Variants in SLC38A10 observed in about 807,000 individuals in gnomAD.
SLC38A10 encodes Sodium-coupled neutral amino acid transporter 10.
A neutral mutation model predicts 81.0 loss-of-function variants in SLC38A10; 53 were observed. The observed-to-expected ratio is 0.65, with a 90% CI of 0.53 to 0.82. SLC38A10 has a LOEUF of 0.82. Among genes scored for constraint, SLC38A10 ranks in the 40% least tolerant of loss-of-function variants. The pLI, the probability that SLC38A10 is intolerant of heterozygous loss-of-function variation, is 0.00. For missense variants in SLC38A10, 1,471 were observed against 1,545.0 expected (o/e 0.95, Z 0.80); for synonymous variants, 665 against 655.3 (o/e 1.01, Z -0.23).
Position 81,281,617 on chromosome 17 carries a change from A to C in SLC38A10, c.501+572T>G, listed in dbSNP as rs2063212829. Among the ~76,000 whole-genome samples the C allele has an allele frequency of 6.6e-6, 1 of 152,100 alleles. No individual in the cohort carries two copies. Among genetic ancestry groups the C allele is most frequent in the Non-Finnish European group, 1.5e-5 (1 of 68,016 alleles). ...TGGTGAAACCCCTTCTCTACTAAAA[A>C]TAAAAAAAATTAGCCAGGTGTGGTG... On this transcript the variant is annotated intron_variant, in intron 5 of 15. Coordinates refer to ENST00000374759, the MANE Select transcript of SLC38A10 (RefSeq NM_001037984.3). The surrounding 1 kb of genome is among the most constrained non-coding windows in gnomAD (Gnocchi z 5.3).
Position 81,276,967 on chromosome 17 carries a change from G to T in SLC38A10, c.729+64C>A. 2 of 1,509,556 alleles carry T rather than the reference G, an allele frequency of 1.3e-6. No individual in the cohort carries two copies. The highest frequency in any genetic ancestry group is 1.7e-5 in the Admixed American group (1 of 59,592). 93.5% of individuals were successfully genotyped at this position (1,509,556 alleles called of 1,614,324 possible). On this transcript the variant is annotated intron_variant, in intron 7 of 15. Transcript: ENST00000374759. The surrounding 1 kb of genome is among the most constrained non-coding windows in gnomAD (Gnocchi z 4.7). ...AGGGCCATGCCTGTGGCAGTCCCAC[G>T]GGGCACCACGGCACATCATGCTGGC...
In SLC38A10 at chr17:81,246,184, T is replaced by G; in HGVS notation, c.2732A>C (p.Asn911Thr). The G allele has an allele frequency of 2.5e-6, 4 of 1,612,558 alleles. No individual in the cohort carries two copies. The highest frequency in any genetic ancestry group is 2.2e-5 in the East Asian group (1 of 44,870). ...ATGTSILKEA[N>T]WLVAGPGAET... ...TGCTCCTGGCCCTGCCACGAGCCAGTTGGCTTCCTTCAGAATGCTGGTGCC... is the reference window on the plus strand; with the variant it reads ...TGCTCCTGGCCCTGCCACGAGCCAGGTGGCTTCCTTCAGAATGCTGGTGCC... The change falls in exon 16 of 16, where the codon AAC (asparagine) becomes ACC (threonine). Residue 911 changes from asparagine (N) to threonine (T), a missense_variant. Physicochemically the swap from Asn to Thr is moderately conservative, Grantham distance 65. Coordinates refer to ENST00000374759, the MANE Select transcript of SLC38A10 (RefSeq NM_001037984.3).
At chr17:81,279,060 CGCCCACCTTGCAAGGCA>C (rs1482936118) in intron 6 of SLC38A10, among the ~76,000 whole-genome samples, 3 of 152,242 alleles carry the variant, frequency 2.0e-5, no homozygotes, top group Non-Finnish European at 2.9e-5. Flanking sequence ...ATCCCTGGCC[CGCCCACCTTGCAAGGCA>C]GCCTCTGAGC....
intron 5 of SLC38A10, 117 bp from the exon 6 acceptor site, chr17:81,280,850 A>G: frequency 1.0e-5 from 14 of 1,380,590 alleles, no homozygotes; most frequent in Non-Finnish European, 1.1e-5. Flanking sequence ...TCCCACCCAC[A>G]TCCCAGCCCC....
Position 81,245,666 on chromosome 17 carries a change from C to T in SLC38A10, c.3250G>A (p.Asp1084Asn), listed in dbSNP as rs757822331. The change falls in exon 16 of 16, where the codon GAC becomes AAC. Residue 1084 changes from aspartate (D) to asparagine (N), a missense_variant. Coordinates refer to ENST00000374759, the MANE Select transcript of SLC38A10 (RefSeq NM_001037984.3). ...TGGGCATCCAGGGCGCCACGGAGGT[C>T]GTTCACCTGGACATCAGGCAGGGGG... ...LNPLPDVQVNDLRGALDAQLR... is the reference protein window; with the variant it reads ...LNPLPDVQVNNLRGALDAQLR... 85 of 1,610,784 alleles carry T rather than the reference C, an allele frequency of 5.3e-5. No individual in the cohort carries two copies. The highest frequency in any genetic ancestry group is 1.5e-4 in the Admixed American group (9 of 59,852).
chr17:81,289,258 T>C lies in SLC38A10; in HGVS notation c.217+433A>G, dbSNP rs1377355541. On this transcript the variant is annotated intron_variant, in intron 2 of 15. Coordinates refer to ENST00000374759, the MANE Select transcript of SLC38A10 (RefSeq NM_001037984.3). The surrounding 1 kb of genome is among the most constrained non-coding windows in gnomAD (Gnocchi z 5.9). Reference sequence around the variant, plus strand: ...GGTTTCACCATGTTGTCCAGGCTCGTCTCGAACTCCTGACCTCAAATAATC... The same window carrying C: ...GGTTTCACCATGTTGTCCAGGCTCGCCTCGAACTCCTGACCTCAAATAATC... Among the ~76,000 whole-genome samples the C allele has an allele frequency of 6.6e-6, 1 of 152,134 alleles. No individual in the cohort carries two copies. Among genetic ancestry groups the C allele is most frequent in the Non-Finnish European group, 1.5e-5 (1 of 68,016 alleles).
rs1156432390 is a variant in SLC38A10, at chr17:81,286,473, C to A, written c.218-1578G>T. Among the ~76,000 whole-genome samples the A allele has an allele frequency of 6.6e-6, 1 of 152,196 alleles. No homozygotes were observed. Among genetic ancestry groups the A allele is most frequent in the Non-Finnish European group, 1.5e-5 (1 of 68,036 alleles). Reference sequence around the variant, plus strand: ...CCCGCCATTCCCAGTGTCAATCCCTCGGCAACTTCTCCTCCCCAGGTTCAA... The same window carrying A: ...CCCGCCATTCCCAGTGTCAATCCCTAGGCAACTTCTCCTCCCCAGGTTCAA... On this transcript the variant is annotated intron_variant, in intron 2 of 15. Transcript: ENST00000374759. This position sits in a 1 kb window ranked among gnomAD's most constrained non-coding sequence, Gnocchi z 6.0.
At chr17:81,294,603 C>T (rs987331392) in intron 1 of SLC38A10, among the ~76,000 whole-genome samples, 1 of 152,240 alleles carries the variant, frequency 6.6e-6, no homozygotes, top group Non-Finnish European at 1.5e-5. Flanking sequence ...AACTTTCCGG[C>T]CCGGGCTGAC....
At chr17:81,282,120 C>T in intron 5 of SLC38A10, 69 bp downstream of exon 5, 1 of 1,598,288 alleles carries the variant, frequency 6.3e-7, no homozygotes, top group Non-Finnish European at 8.6e-7. Context: ...CACGAGCCTG[C>T]TGTGGCCACA....
chr17:81,266,359 C>T (rs2146916936), intron 10 of SLC38A10, among the ~76,000 whole-genome samples: 1 of 152,328 alleles, frequency 6.6e-6, no homozygotes, highest in Non-Finnish European at 1.5e-5. Context: ...GTGGCTCACG[C>T]CTGTAATCCC....
At chr17:81,292,887 T>C (rs1024237375) in intron 1 of SLC38A10, among the ~76,000 whole-genome samples, 4 of 152,182 alleles carry the variant, frequency 2.6e-5, no homozygotes, top group Admixed American at 2.6e-4. Flanking sequence ...CTCACGCCTG[T>C]AATCCTAGCA....
At position 81,246,471 on chromosome 17, in the gene SLC38A10, A is replaced by G; in HGVS notation, c.2445T>C (p.Ala815=). The G allele has an allele frequency of 6.4e-7, 1 of 1,572,000 alleles. No homozygotes were observed. The highest frequency in any genetic ancestry group is 2.2e-5 in the East Asian group (1 of 44,460). The change falls in exon 16 of 16, where the codon GCT becomes GCC. Residue 815 remains alanine, a synonymous_variant. Transcript: ENST00000374759. The part of the protein sequence containing the change: ...HSEGPVGRDP[A]GPPDGGPDTE... Reference sequence around the variant, plus strand: ...TGTCAGGGCCGCCGTCAGGAGGGCCAGCAGGGTCTCTGCCCACAGGCCCCT... The same window carrying G: ...TGTCAGGGCCGCCGTCAGGAGGGCCGGCAGGGTCTCTGCCCACAGGCCCCT...
chr17:81,286,180 G>T lies in SLC38A10; in HGVS notation c.218-1285C>A, dbSNP rs994775869. ...GCACAGCCCGGAAGCAACAAAACAC[G>T]GCGCTCCAAACATGAAGTTGCTCCT... On this transcript the variant is annotated intron_variant, in intron 2 of 15. Transcript: ENST00000374759. The surrounding 1 kb of genome is among the most constrained non-coding windows in gnomAD (Gnocchi z 6.0). Among the ~76,000 whole-genome samples the T allele has an allele frequency of 1.4e-4, 22 of 152,280 alleles. No homozygotes were observed. Among genetic ancestry groups the T allele is most frequent in the African/African-American group, 5.3e-4 (22 of 41,550 alleles).
intron 9 of SLC38A10, 142 bp downstream of exon 9, chr17:81,272,374 A>G: frequency 4.2e-6 from 2 of 470,694 alleles, no homozygotes. Context: ...TGTGGGCCAG[A>G]GAAAAACTGA....
chr17:81,284,163 GC>G (rs1378612221), intron 3 of SLC38A10, among the ~76,000 whole-genome samples: 1 of 151,936 alleles, frequency 6.6e-6, no homozygotes, highest in Non-Finnish European at 1.5e-5. Flanking sequence ...TTCAAAACCA[GC>G]CTGGCCAACA....
rs1351167547 is a variant in SLC38A10 at position 81,265,071 on chromosome 17, TCTGA to T, written c.1132-4681_1132-4678del. 6.6e-6 allele frequency: 1 copy of T among 152,222 alleles called. No homozygotes were observed. Among genetic ancestry groups the T allele is most frequent in the Non-Finnish European group, 1.5e-5 (1 of 68,084 alleles). The allele number at this position is 152,222 out of a possible 1,614,324, so 9.4% of individuals were successfully genotyped here. A position where few individuals can be genotyped will look rare whatever the true frequency, so the allele number is the denominator to read the frequency against. On this transcript the variant is annotated intron_variant, in intron 10 of 15. Transcript: ENST00000374759. The surrounding 1 kb of genome is among the most constrained non-coding windows in gnomAD (Gnocchi z 4.2). ...TCAGGACTGGAGAGACCCTCAACTT[TCTGA>T]CTTTCAAAATAAAGAACCAAACAGG... is the stretch of plus-strand genomic sequence containing the variant.
rs754488697 is a variant in SLC38A10, at chr17:81,270,960, C to T, written c.1089G>A (p.Ala363=). 1.9e-5 allele frequency: 30 copies of T among 1,613,758 alleles called. No individual in the cohort carries two copies. The highest frequency in any genetic ancestry group is 5.3e-5 in the African/African-American group (4 of 74,904). The change falls in exon 10 of 16, where the codon GCG becomes GCA. Residue 363 remains alanine (A), a synonymous_variant. Coordinates refer to ENST00000374759, the MANE Select transcript of SLC38A10 (RefSeq NM_001037984.3). The surrounding 1 kb of genome is among the most constrained non-coding windows in gnomAD (Gnocchi z 4.0). ...TCTTGTGGATTTTCTTGTAGATCAG[C>T]GCCGGGCAGATGAAGCAGATGAGGC... ...MGSLICFICP[A]LIYKKIHKNA...
chr17:81,284,182 AC>A (rs1482782763), intron 3 of SLC38A10, among the ~76,000 whole-genome samples: 3 of 151,804 alleles, frequency 2.0e-5, no homozygotes, highest in Non-Finnish European at 4.4e-5. Context: ...ACACGGCAAA[AC>A]CCTGTCTCTA....
rs748889024 is a variant in SLC38A10 at position 81,276,129 on chromosome 17, C to G, written c.752G>C (p.Ser251Thr). The change falls in exon 8 of 16, where the codon AGC (serine) becomes ACC (threonine). Residue 251 changes from serine to threonine, a missense_variant. Ser to Thr is a moderately conservative substitution (Grantham distance 58, BLOSUM62 1). Around this residue, in one of 2 missense-constraint regions of SLC38A10, gnomAD observed 720 missense variants for 827.7 expected, o/e 0.87. Coordinates refer to ENST00000374759, the MANE Select transcript of SLC38A10 (RefSeq NM_001037984.3). The surrounding 1 kb of genome is among the most constrained non-coding windows in gnomAD (Gnocchi z 4.7). The part of the protein sequence containing the change: ...YVMVGFFGYV[S>T]FTEATAGNVL... ...GTTGCCGGCCGTGGCCTCGGTGAAG[C>G]TGACGTAGCCGAAAAACCCCACCTG... The G allele has an allele frequency of 1.2e-6, 2 of 1,612,300 alleles. No homozygotes were observed. Among genetic ancestry groups the G allele is most frequent in the African/African-American group, 2.7e-5 (2 of 74,916 alleles).
Sources: gnomAD v4.1 joint callset for allele counts (sites outside exome capture counted in the v4.1 genomes callset) on GRCh38, gnomAD v4.1.1 for gene constraint, gnomAD v4.1.1 regional missense constraint, Gnocchi (gnomAD v3.1) non-coding constraint, MANE v1.5 for transcripts, NCBI Gene and HGNC (gene_info 2026-07-23, HGNC 2026-07-21) for gene names.